The following STPG2 variants were observed in gnomAD, a reference collection of about 807,000 sequenced individuals.
The protein encoded by STPG2 is sperm tail PG-rich repeat containing 2, also known as sperm-tail PG-rich repeat-containing protein 2.
STPG2 carries 56 observed loss-of-function variants against 54.2 expected under a neutral mutation model. The observed-to-expected ratio is 1.03, with a 90% confidence interval of 0.83 to 1.29. The LOEUF is 1.29. Among genes scored for constraint, STPG2 ranks in the 50% most tolerant of loss-of-function variants. STPG2 has a pLI of 0.00. For missense variants in STPG2, 596 were observed against 544.9 expected, an observed-to-expected ratio of 1.09 and a Z score of -0.93; for synonymous variants, 200 against 181.8, an observed-to-expected ratio of 1.10 and a Z score of -0.81.
At chr4:97,790,853 C>G (rs1339708182) in intron 9 of STPG2, among the ~76,000 whole-genome samples, 1 of 152,134 alleles carries the variant, frequency 6.6e-6, no homozygotes, top group Non-Finnish European at 1.5e-5. Context: ...CTGTAAAACC[C>G]TTTGCCACAT....
intron 10 of STPG2, among the ~76,000 whole-genome samples, chr4:97,710,886 T>G (rs1171353495): frequency 6.6e-6 from 1 of 151,896 alleles, no homozygotes; most frequent in Non-Finnish European, 1.5e-5. Context: ...TACCTTGAAG[T>G]TCAGTAAATA....
intron 10 of STPG2, among the ~76,000 whole-genome samples, chr4:97,598,931 C>G (rs1334988951): frequency 6.6e-6 from 1 of 152,042 alleles, no homozygotes; most frequent in Admixed American, 6.6e-5. Flanking sequence ...CAAATGGGAC[C>G]TGATTAAACT....
At position 97,565,254 on chromosome 4, in the gene STPG2, G is replaced by A. The variant is rs541999798; in HGVS notation, c.1321-6137C>T. Among the ~76,000 whole-genome samples, 5 of 151,960 alleles carry A rather than the reference G, an allele frequency of 3.3e-5. No individual in the cohort carries two copies. The East Asian group carries it at 5.8e-4, about 18-fold the overall frequency. ...CTCCTGAGGCTTCTGCATTCTTCAC[G>A]CAGTTCTCGAGCCTTGGCTTTCAGC... On this transcript the variant is annotated intron_variant, in intron 10 of 10. Coordinates refer to ENST00000295268, the MANE Select transcript of STPG2 (RefSeq NM_174952.3).
chr4:97,459,881 C>G (rs893864157), intron 4 of STPG2, among the ~76,000 whole-genome samples: 1 of 152,170 alleles, frequency 6.6e-6, no homozygotes, highest in Admixed American at 6.5e-5. Flanking sequence ...ACTCTATCCA[C>G]ATGTACTACA....
intron 10 of STPG2, among the ~76,000 whole-genome samples, chr4:97,671,105 T>C (rs1722682109): frequency 6.6e-6 from 1 of 152,204 alleles, no homozygotes; most frequent in South Asian, 2.1e-4. Flanking sequence ...TTAATGACTG[T>C]AATAAGACCA....
At chr4:98,055,555 G>A (rs1458117720) in intron 5 of STPG2, among the ~76,000 whole-genome samples, 2 of 152,242 alleles carry the variant, frequency 1.3e-5, no homozygotes, top group South Asian at 2.1e-4. Flanking sequence ...AACCATGGCA[G>A]GAAGGGACCC....
intron 9 of STPG2, among the ~76,000 whole-genome samples, chr4:97,723,288 AGGTTGTAACAGTATTCTCTTAG>A (rs1724513611): frequency 1.3e-5 from 2 of 151,796 alleles, no homozygotes; most frequent in Non-Finnish European, 2.9e-5. Context: ...CCCACTTTCT[AGGTTGTAACAGTATTCTCTTAG>A]ACACTGAGGA....
At chr4:97,787,001 GT>G (rs1442108226) in intron 9 of STPG2, among the ~76,000 whole-genome samples, 2 of 152,090 alleles carry the variant, frequency 1.3e-5, no homozygotes, top group Admixed American at 6.6e-5. Context: ...TCCACTGGAG[GT>G]TTTGGAACGT....
chr4:97,885,398 T>C (rs1730525937), intron 8 of STPG2, among the ~76,000 whole-genome samples: 1 of 152,210 alleles, frequency 6.6e-6, no homozygotes, highest in Non-Finnish European at 1.5e-5. Flanking sequence ...ACTTTCTAAA[T>C]ATCACGTGTT....
chr4:97,935,090 G>A (rs191963410), intron 8 of STPG2, among the ~76,000 whole-genome samples: 153 of 152,234 alleles, frequency 1.0e-3, no homozygotes, highest in Non-Finnish European at 7.5e-4. Flanking sequence ...ATGGTGTGGT[G>A]TATGTGTCCA....
At chr4:97,538,167 A>G (rs555969287) in intron 4 of STPG2, among the ~76,000 whole-genome samples, 2 of 152,334 alleles carry the variant, frequency 1.3e-5, no homozygotes, top group African/African-American at 2.4e-5. Flanking sequence ...GCAGCTCCTC[A>G]CCAGCAATGG....
chr4:98,017,348 T>G (rs1266354047), intron 5 of STPG2, among the ~76,000 whole-genome samples: 1 of 152,258 alleles, frequency 6.6e-6, no homozygotes. Context: ...AGCCTGGATC[T>G]GCCAGGGTGA....
intron 8 of STPG2, among the ~76,000 whole-genome samples, chr4:97,930,824 T>C (rs1333784468): frequency 1.3e-5 from 2 of 152,204 alleles, no homozygotes; most frequent in African/African-American, 4.8e-5. Context: ...GGTATGTTTT[T>C]CTATTTGTTT....
intron 4 of STPG2, among the ~76,000 whole-genome samples, chr4:97,495,999 A>T (rs1299086455): frequency 1.3e-5 from 2 of 151,606 alleles, no homozygotes; most frequent in Non-Finnish European, 3.0e-5. Context: ...TACATTAAAC[A>T]AATACTCCAA....
At chr4:97,989,823 GA>G (rs1313936370) in intron 5 of STPG2, among the ~76,000 whole-genome samples, 3 of 152,222 alleles carry the variant, frequency 2.0e-5, no homozygotes, top group Non-Finnish European at 2.9e-5. Flanking sequence ...TACCAGGTGG[GA>G]CAAAGCAAGA....
chr4:97,443,859 A>G (rs910407258), intron 4 of STPG2, among the ~76,000 whole-genome samples: 4 of 152,192 alleles, frequency 2.6e-5, no homozygotes, highest in African/African-American at 9.7e-5. Flanking sequence ...ACTAAAACAT[A>G]AGCAGAACCA....
At chr4:97,823,496 T>G (rs1488156991) in intron 9 of STPG2, among the ~76,000 whole-genome samples, 1 of 152,232 alleles carries the variant, frequency 6.6e-6, no homozygotes, top group Admixed American at 6.5e-5. Context: ...AGATTCCTTT[T>G]CAAAGTATTA....
chr4:97,499,767 T>G (rs1424117658), intron 4 of STPG2, among the ~76,000 whole-genome samples: 1 of 151,542 alleles, frequency 6.6e-6, no homozygotes, highest in Non-Finnish European at 1.5e-5. Context: ...TGTAGATAGG[T>G]GGAGGTGGAG....
At chr4:97,793,370 T>TATATAC (rs1316581246) in intron 9 of STPG2, among the ~76,000 whole-genome samples, 8 of 147,880 alleles carry the variant, frequency 5.4e-5, no homozygotes, top group African/African-American at 2.0e-4. Flanking sequence ...GTTTTATATA[T>TATATAC]ACACACACAC....
Sources: allele counts gnomAD v4.1 joint callset (sites outside exome capture counted in the v4.1 genomes callset), GRCh38; gene constraint gnomAD v4.1.1; transcripts MANE v1.5; gene names NCBI Gene and HGNC (gene_info 2026-07-23, HGNC 2026-07-21).